The following DCAF15 variants were observed in gnomAD, a reference collection of about 807,000 sequenced individuals.
DCAF15 encodes the protein DDB1- and CUL4-associated factor 15.
Under a neutral mutation model 68.0 loss-of-function variants are expected in DCAF15, and 24 were observed. That is an observed-to-expected ratio of 0.35 (90% CI 0.26 to 0.50). DCAF15 has a LOEUF of 0.50. Ranked by LOEUF, DCAF15 falls within the 20% of genes least tolerant of loss-of-function variation. The probability of loss-of-function intolerance (pLI) is 0.98; values close to 1 mark genes in which losing one functional copy is unlikely to be tolerated. For missense variants in DCAF15, 627 were observed against 830.6 expected, an observed-to-expected ratio of 0.75 and a Z score of 3.01; for synonymous variants, 376 against 341.6, an observed-to-expected ratio of 1.10 and a Z score of -1.11.
chr19:13,957,450 C>T (rs896154038), intron 6 of DCAF15, among the ~76,000 whole-genome samples: 2 of 152,124 alleles, frequency 1.3e-5, no homozygotes, highest in Non-Finnish European at 2.9e-5. Context: ...GAAGAACCCT[C>T]CCTGGGGATT....
rs559161804 is a variant in DCAF15 at position 13,958,075 on chromosome 19, C to G, written c.785-970C>G. Among the ~76,000 whole-genome samples, 9 of 152,258 alleles carry G rather than the reference C, an allele frequency of 5.9e-5. No homozygotes were observed. In the South Asian group the frequency reaches 1.7e-3, roughly 28 times the overall value. On this transcript the variant is annotated intron_variant, in intron 6 of 12. Coordinates refer to ENST00000254337, the MANE Select transcript of DCAF15 (RefSeq NM_138353.4). ...TATCTGGGGCTTTCTGTCCTCACCC[C>G]CAATCTATACCAGGAAGGGTGAGGC...
intron 3 of DCAF15, 143 bp downstream of exon 3, chr19:13,954,804 C>T (rs1359321990): frequency 1.1e-6 from 1 of 951,702 alleles, no homozygotes; most frequent in Non-Finnish European, 1.6e-6. Flanking sequence ...GTGTTAGATC[C>T]AACCATATGA....
At position 13,953,017 on chromosome 19, in the gene DCAF15, G is replaced by GC. The variant is rs1973148547; in HGVS notation, c.132+378dup. 2.3e-6 allele frequency: 3 copies of GC among 1,319,260 alleles called. No individual in the cohort carries two copies. The South Asian group carries it at 3.8e-5, about 17-fold the overall frequency. The allele number at this position is 1,319,260 out of a possible 1,614,324, so 81.7% of individuals were successfully genotyped here. The stretch of plus-strand genomic sequence containing the variant: ...GGTTGCTCCATAATGGAACCTTCCC[G>GC]CCCCCTTTGCAGAGCCCCTGCCGCT... On this transcript the variant is annotated intron_variant, in intron 1 of 12. Transcript: ENST00000254337.
Position 13,952,611 on chromosome 19 carries a change from G to A in DCAF15, c.99G>A (p.Arg33=). The change falls in exon 1 of 13, where the codon CGG becomes CGA. Residue 33 remains arginine (R), a synonymous_variant. Transcript: ENST00000254337. ...AGGKRAAGRR[R]EHVLKQLERV... is the part of the protein sequence containing the mutation. Reference sequence around the variant, plus strand: ...GGAAGCGGGCAGCAGGGCGGCGGCGGGAGCACGTCCTCAAGCAGCTGGAGC... The same window carrying A: ...GGAAGCGGGCAGCAGGGCGGCGGCGAGAGCACGTCCTCAAGCAGCTGGAGC... 7.9e-7 allele frequency: 1 copy of A among 1,265,556 alleles called. No homozygotes were observed. Among genetic ancestry groups the A allele is most frequent in the Non-Finnish European group, 1.0e-6 (1 of 1,002,314 alleles). The allele number at this position is 1,265,556 out of a possible 1,614,324, so 78.4% of individuals were successfully genotyped here.
chr19:13,955,891 G>A (rs1973337107), intron 3 of DCAF15, 21 bp from the exon 4 acceptor site: 1 of 1,612,406 alleles, frequency 6.2e-7, no homozygotes, highest in African/African-American at 1.3e-5. Flanking sequence ...ACCCGGTGCT[G>A]CCCCTGAACG....
chr19:13,953,077 C>G, intron 1 of DCAF15: 17 of 1,550,602 alleles, frequency 1.1e-5, no homozygotes, highest in Non-Finnish European at 1.4e-5. Flanking sequence ...GTTCCTCTCC[C>G]TGCCCAAGCC....
At position 13,956,268 on chromosome 19, in the gene DCAF15, G is replaced by A; in HGVS notation, c.613+6G>A. On this transcript the variant is annotated splice_donor_region_variant and intron_variant, in intron 5 of 12. Coordinates refer to ENST00000254337, the MANE Select transcript of DCAF15 (RefSeq NM_138353.4). ...TGCCAGCCGAGCCCACCCAGGTGAG[G>A]GGGCCGAGGGGGCGAGGGCCTCTTC... is the stretch of plus-strand genomic sequence containing the variant. The A allele has an allele frequency of 1.9e-6, 3 of 1,611,968 alleles. No individual in the cohort carries two copies. The highest frequency in any genetic ancestry group is 2.5e-6 in the Non-Finnish European group (3 of 1,179,420).
In DCAF15 at chr19:13,955,950, C is replaced by T. The variant is rs958205555; in HGVS notation, c.405C>T (p.Tyr135=). 18 of 1,613,892 alleles carry T rather than the reference C, an allele frequency of 1.1e-5. No homozygotes were observed. The highest frequency in any genetic ancestry group is 2.2e-5 in the East Asian group (1 of 44,876). ...QVRLFQDEEI[Y]SDLYLTVCEW... Reference sequence around the variant, plus strand: ...GGCTATTCCAGGACGAGGAGATCTACAGCGACCTGTACCTGACCGTATGCG... The same window carrying T: ...GGCTATTCCAGGACGAGGAGATCTATAGCGACCTGTACCTGACCGTATGCG... Residue 135 remains tyrosine, a synonymous_variant, in exon 4 of 13, where the codon TAC becomes TAT. Coordinates refer to ENST00000254337, the MANE Select transcript of DCAF15 (RefSeq NM_138353.4).
chr19:13,953,132 C>T (rs1262058277), intron 1 of DCAF15: 2 of 1,548,708 alleles, frequency 1.3e-6, no homozygotes, highest in East Asian at 4.9e-5. Context: ...GGTGGGCCTC[C>T]CCATTGAAAG....
At chr19:13,956,077 G>A (rs374346496) in intron 4 of DCAF15, 46 bp from the exon 5 acceptor site, 40 of 1,609,930 alleles carry the variant, frequency 2.5e-5, no homozygotes, top group Non-Finnish European at 3.1e-5. Flanking sequence ...TGCAGTGGGG[G>A]CCCCCCAGGC....
rs746638047 is a variant in DCAF15, at chr19:13,954,573, A to C, written c.278A>C (p.Tyr93Ser). 6.2e-7 allele frequency: 1 copy of C among 1,614,056 alleles called. No homozygotes were observed. Among genetic ancestry groups the C allele is most frequent in the South Asian group, 1.1e-5 (1 of 91,076 alleles). The stretch of plus-strand genomic sequence containing the variant: ...AAATGCGGCCGCTACGTCCTCTCCT[A>C]CACCAGCAGCAGTGGGGATGACGAC... ...FSKCGRYVLS[Y>S]TSSSGDDDFS... Residue 93 changes from tyrosine to serine, a missense_variant, in exon 3 of 13, where the codon TAC becomes TCC. Coordinates refer to ENST00000254337, the MANE Select transcript of DCAF15 (RefSeq NM_138353.4).
intron 1 of DCAF15, chr19:13,953,058 C>T (rs1973153682): frequency 6.5e-7 from 1 of 1,544,700 alleles, no homozygotes; most frequent in South Asian, 1.2e-5. Flanking sequence ...TGGGCTTCCT[C>T]CGCCTGATGT....
chr19:13,958,992 G>A, intron 6 of DCAF15, 53 bp from the exon 7 acceptor site: 1 of 1,527,934 alleles, frequency 6.5e-7, no homozygotes, highest in South Asian at 1.3e-5. Context: ...GGGACACTGA[G>A]CGAGGCTGGG....
intron 10 of DCAF15, 72 bp from the exon 11 acceptor site, chr19:13,960,215 T>G: frequency 6.4e-7 from 1 of 1,569,030 alleles, no homozygotes; most frequent in East Asian, 2.2e-5. Context: ...CAAAAGGCCC[T>G]CAGGGTAGCC....
rs769397801 is a variant in DCAF15, at chr19:13,956,279, G to T, written c.613+17G>T. On this transcript the variant is annotated intron_variant, in intron 5 of 12. Transcript: ENST00000254337. ...CCCACCCAGGTGAGGGGGCCGAGGGGGCGAGGGCCTCTTCCCCCCTCCCCC... is the reference window on the plus strand; with the variant it reads ...CCCACCCAGGTGAGGGGGCCGAGGGTGCGAGGGCCTCTTCCCCCCTCCCCC... 3 of 1,611,750 alleles carry T rather than the reference G, an allele frequency of 1.9e-6. No individual in the cohort carries two copies. The African/African-American group carries it at 4.0e-5, about 22-fold the overall frequency.
rs774744849 is a variant in DCAF15, at chr19:13,959,635, C to T, written c.1273C>T (p.Arg425Cys). The T allele has an allele frequency of 1.3e-4, 202 of 1,613,412 alleles. No individual in the cohort carries two copies. The highest frequency in any genetic ancestry group is 1.6e-4 in the Non-Finnish European group (192 of 1,179,950). ...CTTCGTGGTGACTGATCTTCGTGGC[C>T]GCAACCTGCGGCCCATGCGGGAGCG... ...LPFVVTDLRG[R>C]NLRPMRERTA... The change falls in exon 8 of 13, where the codon CGC becomes TGC. Residue 425 changes from arginine to cysteine, a missense_variant. Arg to Cys is a radical substitution (Grantham distance 180). Coordinates refer to ENST00000254337, the MANE Select transcript of DCAF15 (RefSeq NM_138353.4).
rs192368806 is a variant in DCAF15 at position 13,959,391 on chromosome 19, G to A, written c.1131G>A (p.Ser377=). 1.4e-5 allele frequency: 22 copies of A among 1,605,896 alleles called. No individual in the cohort carries two copies. The highest frequency in any genetic ancestry group is 8.9e-5 in the East Asian group (4 of 44,864). The part of the protein sequence containing the change: ...ETAPRDSPPA[S]EAPASEPGYV... ...CACCCCGGGACAGCCCCCCTGCCTCGGAGGCACCTGCCTCCGAGCCTGGCT... is the reference window on the plus strand; with the variant it reads ...CACCCCGGGACAGCCCCCCTGCCTCAGAGGCACCTGCCTCCGAGCCTGGCT... Residue 377 remains serine, a synonymous_variant, in exon 7 of 13, where the codon TCG becomes TCA. Coordinates refer to ENST00000254337, the MANE Select transcript of DCAF15 (RefSeq NM_138353.4).
chr19:13,952,692 G>C (rs1381901400), intron 1 of DCAF15, 48 bp downstream of exon 1: 1 of 1,299,150 alleles, frequency 7.7e-7, no homozygotes, highest in Non-Finnish European at 9.7e-7. Flanking sequence ...GTGGGGAGTA[G>C]GGACGAGGGA....
At chr19:13,953,333 G>C (rs1177313210) in intron 1 of DCAF15, 1 of 549,318 alleles carries the variant, frequency 1.8e-6, no homozygotes, top group Non-Finnish European at 3.2e-6. Flanking sequence ...GGGCAAGGCT[G>C]TGTCTCTGTG....
Sources: gnomAD v4.1 joint callset for allele counts (sites outside exome capture counted in the v4.1 genomes callset) on GRCh38, gnomAD v4.1.1 for gene constraint, MANE v1.5 for transcripts, NCBI Gene and HGNC (gene_info 2026-07-23, HGNC 2026-07-21) for gene names.